ZNF43: variants seen among roughly 807,000 people sequenced by gnomAD.
The protein encoded by ZNF43 is zinc finger protein 43.
ZNF43 carries 44 observed loss-of-function variants against 68.4 expected under a neutral mutation model. The ratio of observed to expected loss-of-function variants is 0.64; its 90% CI spans 0.51 to 0.83. The LOEUF (loss-of-function observed/expected upper bound fraction) is 0.83. Among genes scored for constraint, ZNF43 ranks in the 40% least tolerant of loss-of-function variants. The pLI is 0.00. For synonymous variants in ZNF43, 308 were observed against 307.8 expected, an observed-to-expected ratio of 1.00 and a Z score of -0.01; for missense variants, 896 against 933.2, an observed-to-expected ratio of 0.96 and a Z score of 0.52.
intron 3 of ZNF43, 111 bp downstream of exon 3, chr19:21,817,777 A>G (rs2037600396): frequency 8.6e-7 from 1 of 1,156,648 alleles, no homozygotes; most frequent in Admixed American, 2.3e-5. Context: ...CTTTCCAGAA[A>G]CTCTTTCCTT....
rs1390618777 is a variant in ZNF43, at chr19:21,806,657, A to C, written c.*950T>G. On this transcript the variant is annotated 3_prime_UTR_variant, in exon 4 of 4. Transcript: ENST00000354959. ...TTACATCATTATTCACTAATTTAAA[A>C]ATCAGTAATTTTTTCAAGATAAAAG... 6.6e-6 allele frequency: 1 copy of C among 151,550 alleles called. No homozygotes were observed. Among genetic ancestry groups the C allele is most frequent in the East Asian group, 1.9e-4 (1 of 5,200 alleles). The allele number at this position is 151,550 out of a possible 1,614,324, so 9.4% of individuals were successfully genotyped here.
chr19:21,827,681 G>A lies in ZNF43; in HGVS notation c.3+8355C>T, dbSNP rs1237437295. On this transcript the variant is annotated intron_variant, in intron 1 of 3. Transcript: ENST00000354959. The stretch of plus-strand genomic sequence containing the variant: ...CTGGCCATTTTTTTTTTTTTTTTGA[G>A]ATGGAGTTGAGCTTTTGTTTCCCAG... Among the ~76,000 whole-genome samples the A allele has an allele frequency of 4.3e-5, 5 of 115,904 alleles. 1 individual carries two copies. The highest frequency in any genetic ancestry group is 9.2e-5 in the Admixed American group (1 of 10,824). 76.0% of individuals were successfully genotyped at this position (115,904 alleles called of 152,430 possible). A position where few individuals can be genotyped will look rare whatever the true frequency, so the allele number is the denominator to read the frequency against.
chr19:21,824,748 A>AG (rs1395243791), intron 1 of ZNF43, among the ~76,000 whole-genome samples: 2 of 151,712 alleles, frequency 1.3e-5, no homozygotes, highest in African/African-American at 4.8e-5. Flanking sequence ...AAAAAAAAAA[A>AG]AAAGAAAAAA....
chr19:21,833,370 G>A (rs1421903870), intron 1 of ZNF43, among the ~76,000 whole-genome samples: 1 of 152,098 alleles, frequency 6.6e-6, no homozygotes, highest in Non-Finnish European at 1.5e-5. Context: ...AGGTTCAAGC[G>A]ATTCTCCTGC....
chr19:21,831,623 T>C (rs1419196251), intron 1 of ZNF43, among the ~76,000 whole-genome samples: 11 of 152,002 alleles, frequency 7.2e-5, no homozygotes, highest in Non-Finnish European at 1.5e-4. Flanking sequence ...CCTCCCAAAA[T>C]TGCTGGGATT....
Position 21,809,488 on chromosome 19 carries a change from A to C in ZNF43, c.549T>G (p.Phe183Leu), listed in dbSNP as rs750375439. The C allele has an allele frequency of 6.2e-7, 1 of 1,613,868 alleles. No homozygotes were observed. The highest frequency in any genetic ancestry group is 8.5e-7 in the Non-Finnish European group (1 of 1,179,868). ...GTTGAGCTAGATGTGGAAGCATGCAAAATGATTTGCCACATTCTTTGCATT... is the reference window on the plus strand; with the variant it reads ...GTTGAGCTAGATGTGGAAGCATGCACAATGATTTGCCACATTCTTTGCATT... ...LFKCKECGKS[F>L]CMLPHLAQHK... Residue 183 changes from phenylalanine (F) to leucine (L), a missense_variant, in exon 4 of 4, where the codon TTT becomes TTG. Phe to Leu is a conservative substitution (Grantham distance 22). Transcript: ENST00000354959.
rs1555725111 is a variant in ZNF43, at chr19:21,834,042, G to A, written c.3+1994C>T. Among the ~76,000 whole-genome samples, 6 of 150,960 alleles carry A rather than the reference G, an allele frequency of 4.0e-5. No individual in the cohort carries two copies. In the South Asian group the frequency reaches 1.1e-3, roughly 26 times the overall value. On this transcript the variant is annotated intron_variant, in intron 1 of 3. Transcript: ENST00000354959. ...AACTCCATCTTAAGGCGGGGCGGGG[G>A]AAAAAAAAGAGTCCTGTGCCTAGGG...
intron 1 of ZNF43, among the ~76,000 whole-genome samples, chr19:21,819,648 A>G (rs938087103): frequency 3.3e-5 from 5 of 152,172 alleles, no homozygotes; most frequent in African/African-American, 1.2e-4. Flanking sequence ...ATTTTTTCAG[A>G]AGATCTGGAA....
In ZNF43 at chr19:21,836,074, T is replaced by C; in HGVS notation, c.-36A>G. The C allele has an allele frequency of 6.2e-7, 1 of 1,613,574 alleles. No individual in the cohort carries two copies. The highest frequency in any genetic ancestry group is 8.5e-7 in the Non-Finnish European group (1 of 1,179,644). On this transcript the variant is annotated 5_prime_UTR_variant, in exon 1 of 4. Transcript: ENST00000354959. ...CCGGGGGGTCCTGGCGTCTTAGCTG[T>C]GGATCCCCCAATACCCGCAGGTCAC... is the stretch of plus-strand genomic sequence containing the variant.
At chr19:21,829,832 C>T (rs2038336661) in intron 1 of ZNF43, among the ~76,000 whole-genome samples, 1 of 151,600 alleles carries the variant, frequency 6.6e-6, no homozygotes, top group African/African-American at 2.4e-5. Context: ...TCTCAAAAAA[C>T]AAAAAAACAC....
At chr19:21,811,179 A>G (rs2145174021) in intron 3 of ZNF43, among the ~76,000 whole-genome samples, 1 of 152,192 alleles carries the variant, frequency 6.6e-6, no homozygotes, top group East Asian at 1.9e-4. Flanking sequence ...ATCTCTACAT[A>G]AAATTCAATG....
chr19:21,828,441 G>A (rs778005379), intron 1 of ZNF43, among the ~76,000 whole-genome samples: 5 of 151,862 alleles, frequency 3.3e-5, no homozygotes, highest in East Asian at 2.0e-4. Context: ...TAGGCCAGGC[G>A]CGGTGGCTCA....
chr19:21,807,783 G>T lies in ZNF43; in HGVS notation c.2254C>A (p.His752Asn). 6.2e-7 allele frequency: 1 copy of T among 1,613,292 alleles called. No individual in the cohort carries two copies. Among genetic ancestry groups the T allele is most frequent in the Non-Finnish European group, 8.5e-7 (1 of 1,179,634 alleles). ...AFNYSSHLNT[H>N]KRIHTKEQPY... Reference sequence around the variant, plus strand: ...TGCTCTTTAGTATGAATTCTCTTATGTGTATTAAGGTGTGAGGAATAGTTA... The same window carrying T: ...TGCTCTTTAGTATGAATTCTCTTATTTGTATTAAGGTGTGAGGAATAGTTA... The change falls in exon 4 of 4, where the codon CAT becomes AAT. Residue 752 changes from histidine to asparagine, a missense_variant. By Grantham distance (68) the His-to-Asn change is moderately conservative. Transcript: ENST00000354959.
At chr19:21,818,605 G>C (rs1275829913) in intron 2 of ZNF43, among the ~76,000 whole-genome samples, 2 of 151,914 alleles carry the variant, frequency 1.3e-5, no homozygotes, top group African/African-American at 4.8e-5. Flanking sequence ...ATTTTTAGTA[G>C]AGATGCGGTT....
intron 1 of ZNF43, among the ~76,000 whole-genome samples, chr19:21,844,916 AAAAAAATATATAT>A (rs1354639519): frequency 8.7e-6 from 1 of 115,308 alleles, no homozygotes; most frequent in Non-Finnish European, 1.7e-5. Context: ...AAAAAAAAAA[AAAAAAATATATAT>A]ATATATATAT....
chr19:21,839,644 G>T (rs116738098), upstream of ZNF43: 1 of 152,222 alleles, frequency 6.6e-6, no homozygotes, highest in African/African-American at 2.4e-5. Flanking sequence ...CATGGCCATA[G>T]CAGGAAAGAA....
intron 3 of ZNF43, among the ~76,000 whole-genome samples, chr19:21,816,638 C>T (rs556573330): frequency 2.6e-5 from 4 of 152,176 alleles, no homozygotes; most frequent in African/African-American, 9.6e-5. Context: ...TACTGTGGAC[C>T]CTGAAGCAGT....
intron 3 of ZNF43, among the ~76,000 whole-genome samples, chr19:21,815,102 C>T (rs1239732014): frequency 6.6e-6 from 1 of 151,594 alleles, no homozygotes; most frequent in African/African-American, 2.4e-5. Context: ...ACAGGAGAAT[C>T]GCTGGAACCT....
upstream of ZNF43, among the ~76,000 whole-genome samples, chr19:21,837,353 A>AT (rs1313633235): frequency 6.8e-6 from 1 of 146,910 alleles, no homozygotes; most frequent in Non-Finnish European, 1.5e-5. Flanking sequence ...ATTCTCTGTG[A>AT]TTTTGAAAGT....
Sources: gnomAD v4.1 joint callset for allele counts (sites outside exome capture counted in the v4.1 genomes callset) on GRCh38, gnomAD v4.1.1 for gene constraint, MANE v1.5 for transcripts, NCBI Gene and HGNC (gene_info 2026-07-23, HGNC 2026-07-21) for gene names.